ZFC3H1: variants seen among roughly 807,000 people sequenced by gnomAD.
The protein encoded by ZFC3H1 is zinc finger C3H1-type containing, also known as zinc finger C3H1 domain-containing protein.
Under a neutral mutation model 243.7 loss-of-function variants are expected in ZFC3H1, and 71 were observed. That is an observed-to-expected ratio of 0.29 (90% confidence interval 0.24 to 0.36). The LOEUF (loss-of-function observed/expected upper bound fraction) is 0.36, where lower values mean the gene tolerates loss of function less well. ZFC3H1 is among the 10% of genes least tolerant of loss of function. The probability of loss-of-function intolerance (pLI) is 1.00; values close to 1 mark genes in which losing one functional copy is unlikely to be tolerated. For synonymous variants in ZFC3H1, 838 were observed against 813.0 expected (o/e 1.03, Z -0.52); for missense variants, 1,966 against 2,317.1 (o/e 0.85, Z 3.11).
intron 11 of ZFC3H1, 41 bp from the exon 12 acceptor site, chr12:71,634,345 T>A (rs755948604): frequency 4.5e-5 from 71 of 1,577,698 alleles, no homozygotes; most frequent in Non-Finnish European, 5.6e-5. Flanking sequence ...CACCCAAGAA[T>A]AAACTTAAAC....
In ZFC3H1 at chr12:71,610,376, C is replaced by G. The variant is rs1879739884; in HGVS notation, c.*52G>C. On this transcript the variant is annotated 3_prime_UTR_variant, in exon 35 of 35. Coordinates refer to ENST00000378743, the MANE Select transcript of ZFC3H1 (RefSeq NM_144982.5). Reference sequence around the variant, plus strand: ...ATCAGCCTAATCTTGAAGAATCATTCAAATAATTTTGGCAATTATTATAAG... The same window carrying G: ...ATCAGCCTAATCTTGAAGAATCATTGAAATAATTTTGGCAATTATTATAAG... 1.3e-6 allele frequency: 2 copies of G among 1,581,486 alleles called. No individual in the cohort carries two copies. The highest frequency in any genetic ancestry group is 2.2e-5 in the East Asian group (1 of 44,650).
At chr12:71,625,366 G>A (rs1480254893) in intron 22 of ZFC3H1, among the ~76,000 whole-genome samples, 1 of 152,074 alleles carries the variant, frequency 6.6e-6, no homozygotes, top group Non-Finnish European at 1.5e-5. Flanking sequence ...TTCTCAAGTG[G>A]ATCAATTATA....
chr12:71,627,368 C>T (rs542217790), intron 21 of ZFC3H1, among the ~76,000 whole-genome samples: 1 of 152,196 alleles, frequency 6.6e-6, no homozygotes, highest in Admixed American at 6.5e-5. Context: ...TACAAATTAA[C>T]AAAATTTAAC....
chr12:71,612,932 T>A (rs770639131), intron 31 of ZFC3H1, among the ~76,000 whole-genome samples: 9 of 152,124 alleles, frequency 5.9e-5, no homozygotes, highest in Non-Finnish European at 1.0e-4. Context: ...TAAATGAGCA[T>A]CCCAGGAGAT....
At chr12:71,615,120 T>C in intron 28 of ZFC3H1, 86 bp downstream of exon 28, 1 of 1,244,586 alleles carries the variant, frequency 8.0e-7, no homozygotes. Flanking sequence ...TAACATCAAG[T>C]TAATTATAAC....
chr12:71,631,090 T>C (rs1880310785), intron 16 of ZFC3H1, 136 bp from the exon 17 acceptor site: 1 of 902,326 alleles, frequency 1.1e-6, no homozygotes, highest in East Asian at 3.0e-5. Context: ...ATTAAATTAA[T>C]GCCAAAATTA....
At chr12:71,621,308 C>CT (rs71068781) in intron 24 of ZFC3H1, among the ~76,000 whole-genome samples, 4,699 of 145,182 alleles carry the variant, frequency 0.032, 205 homozygotes, top group African/African-American at 0.11. Context: ...ACTTCCTTTT[C>CT]TTTTTTTTTT....
At chr12:71,628,767 C>G (rs951934651) in intron 20 of ZFC3H1, 151 bp downstream of exon 20, 4 of 655,198 alleles carry the variant, frequency 6.1e-6, no homozygotes, top group Non-Finnish European at 9.4e-6. Context: ...AGTGAATTAA[C>G]TGTATTGTCT....
At chr12:71,651,168 A>G (rs1052011313) in intron 2 of ZFC3H1, among the ~76,000 whole-genome samples, 1 of 152,220 alleles carries the variant, frequency 6.6e-6, no homozygotes, top group African/African-American at 2.4e-5. Context: ...AAGTTCCCAG[A>G]TAACGCAGTC....
At chr12:71,618,393 T>G (rs1160755908) in intron 27 of ZFC3H1, among the ~76,000 whole-genome samples, 1 of 152,210 alleles carries the variant, frequency 6.6e-6, no homozygotes, top group Non-Finnish European at 1.5e-5. Context: ...CAAGAAATTT[T>G]TTGGGGAGAT....
chr12:71,636,965 T>C lies in ZFC3H1; in HGVS notation c.1820A>G (p.Glu607Gly). 1.9e-6 allele frequency: 3 copies of C among 1,614,030 alleles called. No homozygotes were observed. The South Asian group carries it at 3.3e-5, about 18-fold the overall frequency. ...TGGTTTTGGAGGCTGTTCTGGATCT[T>C]CAGGTGGGAGAGGTGGTAATGGTGG... ...PLPPLPPLPP[E>G]DPEQPPKPPF... The change falls in exon 8 of 35, where the codon GAA (glutamate) becomes GGA (glycine). Residue 607 changes from glutamate to glycine, a missense_variant. By Grantham distance (98) the Glu-to-Gly change is moderately conservative. This residue lies in a region of ZFC3H1 where 1,383 missense variants were observed against 1,723.7 expected (regional missense o/e 0.80). Coordinates refer to ENST00000378743, the MANE Select transcript of ZFC3H1 (RefSeq NM_144982.5).
intron 6 of ZFC3H1, among the ~76,000 whole-genome samples, chr12:71,640,188 A>C (rs902590572): frequency 6.6e-6 from 1 of 152,200 alleles, no homozygotes; most frequent in Middle Eastern, 3.4e-3. Context: ...CTACTGGCTA[A>C]TTTTTGTATT....
chr12:71,630,584 G>C lies in ZFC3H1; in HGVS notation c.3724+16C>G. The C allele has an allele frequency of 6.3e-7, 1 of 1,595,558 alleles. No individual in the cohort carries two copies. The highest frequency in any genetic ancestry group is 1.2e-5 in the South Asian group (1 of 86,812). On this transcript the variant is annotated intron_variant, in intron 18 of 34. Transcript: ENST00000378743. Reference sequence around the variant, plus strand: ...TTCAATTTTCATTTGGGAGAGAATAGGAAGTCTTTAAAAACCTGCTGAAGC... The same window carrying C: ...TTCAATTTTCATTTGGGAGAGAATACGAAGTCTTTAAAAACCTGCTGAAGC...
chr12:71,627,809 G>A lies in ZFC3H1; in HGVS notation c.4072C>T (p.Pro1358Ser). Residue 1358 changes from proline to serine, a missense_variant, in exon 21 of 35, where the codon CCT becomes TCT. Around this residue, in one of 4 missense-constraint regions of ZFC3H1, gnomAD observed 1,383 missense variants for 1,723.7 expected, o/e 0.80. Transcript: ENST00000378743. ...ANLEASVLEN[P>S]SHVQLWLKLA... The stretch of plus-strand genomic sequence containing the variant: ...TTGAGCCAAAGTTGTACATGAGAAG[G>A]ATTTTCAAGCACACTTGCTTCTAAA... 2 of 1,613,702 alleles carry A rather than the reference G, an allele frequency of 1.2e-6. No individual in the cohort carries two copies. Among genetic ancestry groups the A allele is most frequent in the Admixed American group, 1.7e-5 (1 of 59,988 alleles).
intron 19 of ZFC3H1, 59 bp from the exon 20 acceptor site, chr12:71,629,096 G>T: frequency 2.2e-6 from 3 of 1,364,496 alleles, no homozygotes; most frequent in Non-Finnish European, 3.0e-6. Flanking sequence ...TTAACATTTT[G>T]AAGGATACTC....
At chr12:71,647,242 C>CT (rs1880751845) in intron 3 of ZFC3H1, among the ~76,000 whole-genome samples, 1 of 152,194 alleles carries the variant, frequency 6.6e-6, no homozygotes, top group African/African-American at 2.4e-5. Context: ...AAACACAGTG[C>CT]TTGAGGCTTC....
At chr12:71,645,350 A>G (rs1337163603) in intron 3 of ZFC3H1, among the ~76,000 whole-genome samples, 1 of 152,210 alleles carries the variant, frequency 6.6e-6, no homozygotes, top group Non-Finnish European at 1.5e-5. Flanking sequence ...CGATAATGCA[A>G]AAAAGAAAAG....
chr12:71,614,804 C>T (rs1246069739), intron 29 of ZFC3H1, 30 bp downstream of exon 29: 1 of 1,606,342 alleles, frequency 6.2e-7, no homozygotes, highest in Admixed American at 1.7e-5. Flanking sequence ...ATCCCCAAAT[C>T]TCATTCTTAT....
intron 16 of ZFC3H1, 113 bp from the exon 17 acceptor site, chr12:71,631,067 A>G: frequency 7.2e-6 from 8 of 1,115,038 alleles, no homozygotes; most frequent in Non-Finnish European, 9.6e-6. Flanking sequence ...ACTATTTATG[A>G]GCTATTTATC....
Sources: allele counts gnomAD v4.1 joint callset (sites outside exome capture counted in the v4.1 genomes callset), GRCh38; gene constraint gnomAD v4.1.1; regional missense constraint gnomAD v4.1.1; transcripts MANE v1.5; gene names NCBI Gene and HGNC (gene_info 2026-07-23, HGNC 2026-07-21).